KANK1: variants seen among roughly 807,000 people sequenced by gnomAD.
KANK1 encodes the protein KN motif and ankyrin repeat domain-containing protein 1.
KANK1 carries 109 observed loss-of-function variants against 106.2 expected under a neutral mutation model. The ratio of observed to expected loss-of-function variants is 1.03; its 90% CI spans 0.88 to 1.20. The LOEUF is 1.20. Among genes scored for constraint, KANK1 ranks in the 50% most tolerant of loss-of-function variants. The pLI is 0.00. For missense variants in KANK1, 2,399 were observed against 1,710.7 expected (o/e 1.40, Z -7.10); for synonymous variants, 873 against 652.2 (o/e 1.34, Z -5.16).
At chr9:737,787 A>G (rs924094733) in intron 7 of KANK1, among the ~76,000 whole-genome samples, 5 of 152,226 alleles carry the variant, frequency 3.3e-5, no homozygotes, top group African/African-American at 1.2e-4. Context: ...AGGAAGCAGC[A>G]TAATTCAGTG....
intron 1 of KANK1, among the ~76,000 whole-genome samples, chr9:664,122 G>C (rs1016590198): frequency 6.6e-6 from 1 of 152,112 alleles, no homozygotes; most frequent in Non-Finnish European, 1.5e-5. Flanking sequence ...CTTTACACTT[G>C]ATTAATGTTA....
intron 1 of KANK1, among the ~76,000 whole-genome samples, chr9:517,054 A>G (rs2059314352): frequency 6.9e-6 from 1 of 144,326 alleles, no homozygotes. Context: ...TGGTGGGCTC[A>G]GAGCCACGAG....
At position 565,394 on chromosome 9, in the gene KANK1, C is replaced by G. The variant is rs535769253; in HGVS notation, c.-84+60640C>G. ...TAAGGATGTCTTCTGCAGAGCATAA[C>G]TTGTGTAGTCACCCAAAAGGGTCTT... On this transcript the variant is annotated intron_variant, in intron 1 of 11. Transcript: ENST00000382297. Among the ~76,000 whole-genome samples the G allele has an allele frequency of 7.2e-5, 11 of 152,328 alleles. No individual in the cohort carries two copies. The South Asian group carries it at 1.2e-3, about 17-fold the overall frequency.
At chr9:574,583 G>A (rs910566482) in intron 1 of KANK1, among the ~76,000 whole-genome samples, 2 of 152,142 alleles carry the variant, frequency 1.3e-5, no homozygotes, top group Non-Finnish European at 2.9e-5. Context: ...TCAGCCGCGC[G>A]TGGTGGCTTA....
chr9:688,435 G>A (rs949891615), intron 2 of KANK1, among the ~76,000 whole-genome samples: 4 of 152,106 alleles, frequency 2.6e-5, no homozygotes, highest in African/African-American at 9.7e-5. Flanking sequence ...GTGAAACCCC[G>A]TCTCTACTAA....
intron 3 of KANK1, chr9:476,580 C>T (rs1414490271): frequency 6.6e-6 from 1 of 152,018 alleles, no homozygotes; most frequent in Non-Finnish European, 1.5e-5. Context: ...AAAGGGGAAA[C>T]CAAACCCCCT....
intron 2 of KANK1, among the ~76,000 whole-genome samples, chr9:705,952 G>T (rs1297783229): frequency 6.6e-6 from 1 of 151,850 alleles, no homozygotes; most frequent in Non-Finnish European, 1.5e-5. Context: ...TTATAGTCTG[G>T]TACAAAAGAC....
At chr9:512,019 C>T (rs949881674) in intron 1 of KANK1, among the ~76,000 whole-genome samples, 5 of 144,226 alleles carry the variant, frequency 3.5e-5, no homozygotes, top group African/African-American at 1.2e-4. Context: ...GGCTTTGCTC[C>T]CATGACTATT....
chr9:548,446 G>A (rs1388979614), intron 1 of KANK1, among the ~76,000 whole-genome samples: 3 of 152,140 alleles, frequency 2.0e-5, no homozygotes, highest in African/African-American at 4.8e-5. Context: ...ACTCTCAGCA[G>A]CACGTACAGA....
intron 3 of KANK1, among the ~76,000 whole-genome samples, chr9:716,527 C>G (rs543324945): frequency 3.3e-5 from 5 of 152,064 alleles, no homozygotes; most frequent in Non-Finnish European, 7.4e-5. Flanking sequence ...ACATAGATAA[C>G]AATGGGAAAC....
chr9:711,413 A>G lies in KANK1; in HGVS notation c.647A>G (p.Tyr216Cys). 1 of 1,614,172 alleles carries G rather than the reference A, an allele frequency of 6.2e-7. No individual in the cohort carries two copies. Among genetic ancestry groups the G allele is most frequent in the South Asian group, 1.1e-5 (1 of 91,084 alleles). The stretch of plus-strand genomic sequence containing the variant: ...GCCAAGCACCAGCTTCAGAATGGAT[A>G]CCAAGGTAATGGGGATTATGGTAGC... Reference protein sequence around the residue: ...NPAKHQLQNGYQGNGDYGSYA... With the variant: ...NPAKHQLQNGCQGNGDYGSYA... The change falls in exon 3 of 12, where the codon TAC becomes TGC. Residue 216 changes from tyrosine to cysteine, a missense_variant. Transcript: ENST00000382297.
At chr9:557,715 C>T (rs891676956) in intron 1 of KANK1, among the ~76,000 whole-genome samples, 4 of 152,164 alleles carry the variant, frequency 2.6e-5, no homozygotes, top group Admixed American at 1.3e-4. Flanking sequence ...GCCCCAAGAA[C>T]TAAGGAAATC....
intron 9 of KANK1, 81 bp downstream of exon 9, chr9:741,015 G>A (rs1281049431): frequency 6.0e-6 from 9 of 1,501,620 alleles, no homozygotes; most frequent in South Asian, 1.2e-5. Flanking sequence ...GGCAGAGCAG[G>A]CATAGATGCC....
chr9:515,606 A>G (rs1401063250), intron 1 of KANK1, among the ~76,000 whole-genome samples: 1 of 151,746 alleles, frequency 6.6e-6, no homozygotes. Flanking sequence ...CAACTTTTCT[A>G]ATTTGTTAAC....
At chr9:704,779 A>G (rs1351578697) in intron 2 of KANK1, among the ~76,000 whole-genome samples, 1 of 152,010 alleles carries the variant, frequency 6.6e-6, no homozygotes, top group African/African-American at 2.4e-5. Flanking sequence ...CCAGGAGTTC[A>G]AGACCAGCCT....
At chr9:519,528 A>G (rs905989162) in intron 1 of KANK1, among the ~76,000 whole-genome samples, 2 of 151,796 alleles carry the variant, frequency 1.3e-5, no homozygotes, top group Admixed American at 1.3e-4. Flanking sequence ...TTGTGAAACT[A>G]TTCACATCCT....
At chr9:638,203 T>C (rs1455019891) in intron 1 of KANK1, among the ~76,000 whole-genome samples, 2 of 152,242 alleles carry the variant, frequency 1.3e-5, no homozygotes, top group Non-Finnish European at 1.5e-5. Context: ...CTGTGGCTTA[T>C]GATAGAATTC....
chr9:626,399 G>A (rs1439601662), intron 1 of KANK1, among the ~76,000 whole-genome samples: 2 of 152,102 alleles, frequency 1.3e-5, no homozygotes, highest in African/African-American at 4.8e-5. Flanking sequence ...AGGTTGCAGT[G>A]AGCCGGGTGA....
At chr9:632,670 TAATGAG>T (rs888791830) in intron 1 of KANK1, among the ~76,000 whole-genome samples, 13 of 152,250 alleles carry the variant, frequency 8.5e-5, no homozygotes, top group Non-Finnish European at 1.5e-4. Context: ...CCTCATGAGA[TAATGAG>T]AGTGGTGTTT....
Sources: allele counts gnomAD v4.1 joint callset (sites outside exome capture counted in the v4.1 genomes callset), GRCh38; gene constraint gnomAD v4.1.1; transcripts MANE v1.5; gene names NCBI Gene and HGNC (gene_info 2026-07-23, HGNC 2026-07-21).